Variants in CATSPERT observed in about 807,000 individuals in gnomAD.
The protein encoded by CATSPERT is cation channel sperm-associated targeting subunit tau.
chr2:201,574,240 T>C, the CATSPERT span: 76 of 1,605,874 alleles, frequency 4.7e-5, no homozygotes, highest in African/African-American at 7.4e-4. Flanking sequence ...AAAGTTTCCA[T>C]AGGAGAACAT....
the CATSPERT span, chr2:201,550,234 T>C: frequency 6.6e-6 from 1 of 152,182 alleles, no homozygotes; most frequent in African/African-American, 2.4e-5. Context: ...GTGGATCAAA[T>C]CACAGCTTTA....
At chr2:201,558,820 C>A in the CATSPERT span, among the ~76,000 whole-genome samples, 1 of 152,178 alleles carries the variant, frequency 6.6e-6, no homozygotes, top group Non-Finnish European at 1.5e-5. Flanking sequence ...GGCCACTGCA[C>A]CTCTCCAGCA....
the CATSPERT span, chr2:201,534,680 A>T: frequency 2.5e-5 from 25 of 982,096 alleles, no homozygotes; most frequent in Non-Finnish European, 3.0e-5. Context: ...TAAGAATGTA[A>T]AGTGGTACAG....
At chr2:201,618,981 C>G in the CATSPERT span, 4 of 1,613,970 alleles carry the variant, frequency 2.5e-6, no homozygotes, top group Admixed American at 6.7e-5. Flanking sequence ...CGTAAGGGAC[C>G]GAAGAAGCCT....
the CATSPERT span, among the ~76,000 whole-genome samples, chr2:201,541,503 T>C: frequency 7.0e-6 from 1 of 142,148 alleles, no homozygotes; most frequent in Non-Finnish European, 1.5e-5. Flanking sequence ...AGCAAAAATA[T>C]TGCAACTCAC....
chr2:201,566,647 T>C, the CATSPERT span, among the ~76,000 whole-genome samples: 1 of 151,996 alleles, frequency 6.6e-6, no homozygotes, highest in African/African-American at 2.4e-5. Context: ...CTATTGTGAA[T>C]AGTGCCGCAA....
the CATSPERT span, among the ~76,000 whole-genome samples, chr2:201,528,545 T>C: frequency 6.6e-6 from 1 of 152,140 alleles, no homozygotes; most frequent in South Asian, 2.1e-4. Flanking sequence ...ATAAGGCAAA[T>C]GTGGTATGTA....
chr2:201,493,928 A>C, the CATSPERT span: 1 of 1,537,218 alleles, frequency 6.5e-7, no homozygotes, highest in Middle Eastern at 1.7e-4. Flanking sequence ...CTTTCTAAAA[A>C]TGAATCTGCA....
At chr2:201,593,923 T>C in the CATSPERT span, among the ~76,000 whole-genome samples, 1 of 152,042 alleles carries the variant, frequency 6.6e-6, no homozygotes, top group Non-Finnish European at 1.5e-5. Flanking sequence ...GGGTCTTGAC[T>C]CTTTATCCAA....
the CATSPERT span, among the ~76,000 whole-genome samples, chr2:201,611,160 A>G: frequency 1.3e-5 from 2 of 152,226 alleles, no homozygotes; most frequent in Non-Finnish European, 1.5e-5. Flanking sequence ...TGGAAAAGGG[A>G]AAGTCAAATT....
At chr2:201,513,884 T>G in the CATSPERT span, among the ~76,000 whole-genome samples, 4 of 152,186 alleles carry the variant, frequency 2.6e-5, no homozygotes, top group Non-Finnish European at 5.9e-5. Context: ...CAAGTAGAAT[T>G]AAATTACAGT....
At chr2:201,586,922 G>T in the CATSPERT span, among the ~76,000 whole-genome samples, 1 of 151,766 alleles carries the variant, frequency 6.6e-6, no homozygotes, top group Non-Finnish European at 1.5e-5. Context: ...CAAATTTAAT[G>T]CTAATTTAGT....
At chr2:201,585,252 G>T in the CATSPERT span, among the ~76,000 whole-genome samples, 1 of 151,960 alleles carries the variant, frequency 6.6e-6, no homozygotes, top group Non-Finnish European at 1.5e-5. Flanking sequence ...GGGGATAAGG[G>T]AGGGATAACC....
chr2:201,553,140 C>G, the CATSPERT span: 1 of 152,138 alleles, frequency 6.6e-6, no homozygotes, highest in Non-Finnish European at 1.5e-5. Flanking sequence ...CCTTCTATCA[C>G]TCAAGCCTAG....
the CATSPERT span, chr2:201,575,317 A>C: frequency 6.3e-7 from 1 of 1,592,890 alleles, no homozygotes; most frequent in Non-Finnish European, 8.5e-7. Flanking sequence ...TCTTCAATGA[A>C]GCACCCTTTC....
At chr2:201,491,559 GTCT>G in the CATSPERT span, 2 of 1,536,852 alleles carry the variant, frequency 1.3e-6, no homozygotes, top group Non-Finnish European at 1.7e-6. Flanking sequence ...GACAATACTG[GTCT>G]TCTAATTTTG....
At chr2:201,574,991 C>G in the CATSPERT span, among the ~76,000 whole-genome samples, 5 of 148,554 alleles carry the variant, frequency 3.4e-5, no homozygotes, top group Admixed American at 3.4e-4. Flanking sequence ...AGGCATTCTA[C>G]TCTCTTACCC....
the CATSPERT span, chr2:201,545,448 A>G: frequency 1.2e-6 from 1 of 822,846 alleles, no homozygotes; most frequent in Non-Finnish European, 1.9e-6. Context: ...ACAAAACAGA[A>G]ATCTACTTAA....
At chr2:201,597,070 G>A in the CATSPERT span, among the ~76,000 whole-genome samples, 1 of 152,138 alleles carries the variant, frequency 6.6e-6, no homozygotes, top group African/African-American at 2.4e-5. Flanking sequence ...TCTAAAAAGT[G>A]TTCAGTTCTT....
Sources: gnomAD v4.1 joint callset for allele counts (sites outside exome capture counted in the v4.1 genomes callset) on GRCh38, gnomAD v4.1.1 for gene constraint, MANE v1.5 for transcripts, NCBI Gene and HGNC (gene_info 2026-07-23, HGNC 2026-07-21) for gene names.